The following SYT16 variants were observed in gnomAD, a reference collection of about 807,000 sequenced individuals.
The protein encoded by SYT16 is synaptotagmin-16.
A neutral mutation model predicts 61.4 loss-of-function variants in SYT16; 42 were observed. The observed-to-expected ratio is 0.68, with a 90% CI of 0.53 to 0.89. The LOEUF (loss-of-function observed/expected upper bound fraction) is 0.89. SYT16 is among the 40% of genes least tolerant of loss of function. SYT16 has a pLI of 0.00. For synonymous variants in SYT16, 314 were observed against 302.3 expected, an observed-to-expected ratio of 1.04 and a Z score of -0.40; for missense variants, 804 against 807.3, an observed-to-expected ratio of 1.00 and a Z score of 0.05.
intron 1 of SYT16, among the ~76,000 whole-genome samples, chr14:61,939,267 C>G (rs1190159405): frequency 2.0e-5 from 3 of 152,180 alleles, no homozygotes; most frequent in African/African-American, 4.8e-5. Flanking sequence ...CATAATCCCC[C>G]CAAAGCACTA....
chr14:62,042,422 T>A (rs1188729453), intron 3 of SYT16, among the ~76,000 whole-genome samples: 1 of 152,240 alleles, frequency 6.6e-6, no homozygotes, highest in Non-Finnish European at 1.5e-5. Context: ...TCTTCGATCA[T>A]TTCAGATCTT....
chr14:62,042,139 T>G (rs2054756641), intron 3 of SYT16, among the ~76,000 whole-genome samples: 1 of 152,180 alleles, frequency 6.6e-6, no homozygotes, highest in African/African-American at 2.4e-5. Flanking sequence ...ATGGGTATAT[T>G]ATCTTTTCTG....
intron 1 of SYT16, among the ~76,000 whole-genome samples, chr14:61,887,883 C>T (rs2140330838): frequency 6.6e-6 from 1 of 152,314 alleles, no homozygotes; most frequent in East Asian, 1.9e-4. Flanking sequence ...CTTACCATGC[C>T]TGTGTTCACT....
intron 4 of SYT16, among the ~76,000 whole-genome samples, chr14:62,070,902 T>C (rs1426864336): frequency 6.6e-6 from 1 of 151,914 alleles, no homozygotes; most frequent in Non-Finnish European, 1.5e-5. Context: ...GGTGCAGAAA[T>C]TGAGAGAAGA....
intron 3 of SYT16, among the ~76,000 whole-genome samples, chr14:62,062,239 C>T (rs1394171227): frequency 2.0e-5 from 3 of 152,170 alleles, no homozygotes; most frequent in Non-Finnish European, 4.4e-5. Flanking sequence ...CTGCCACTTA[C>T]TAGCTATTTG....
At chr14:62,094,159 G>C (rs936741522) in intron 7 of SYT16, among the ~76,000 whole-genome samples, 2 of 152,102 alleles carry the variant, frequency 1.3e-5, no homozygotes, top group South Asian at 2.1e-4. Context: ...TTCAATTCTG[G>C]TGTAAAGACC....
chr14:62,044,471 GC>G (rs1254913139), intron 3 of SYT16, among the ~76,000 whole-genome samples: 2 of 151,958 alleles, frequency 1.3e-5, no homozygotes, highest in African/African-American at 4.8e-5. Flanking sequence ...CCCCCAACAG[GC>G]CCTGGTGTGT....
intron 1 of SYT16, among the ~76,000 whole-genome samples, chr14:61,890,714 C>T (rs1014342339): frequency 1.3e-5 from 2 of 151,972 alleles, no homozygotes; most frequent in Non-Finnish European, 2.9e-5. Context: ...TTAGTAAATA[C>T]GTTAGTAAAT....
intron 3 of SYT16, among the ~76,000 whole-genome samples, chr14:62,043,099 C>CT (rs58063130): frequency 0.072 from 9,883 of 137,004 alleles, 630 homozygotes; most frequent in African/African-American, 0.17. Flanking sequence ...TGTGGTTTCT[C>CT]TTTTTTTTTT....
chr14:61,942,843 TA>T (rs1566701791), intron 1 of SYT16, among the ~76,000 whole-genome samples: 1 of 152,046 alleles, frequency 6.6e-6, no homozygotes, highest in Non-Finnish European at 1.5e-5. Flanking sequence ...CTATCAAATA[TA>T]AATCAGTTGA....
chr14:62,068,234 A>G (rs555981360), intron 3 of SYT16, among the ~76,000 whole-genome samples: 1 of 149,700 alleles, frequency 6.7e-6, no homozygotes, highest in African/African-American at 2.5e-5. Flanking sequence ...TGACAATGAA[A>G]AAAAAATTTT....
At chr14:61,990,226 T>C (rs1458564999) in intron 2 of SYT16, among the ~76,000 whole-genome samples, 2 of 152,188 alleles carry the variant, frequency 1.3e-5, no homozygotes, top group African/African-American at 4.8e-5. Flanking sequence ...CTATGCAAAA[T>C]GTCTTTCTCC....
rs919641308 is a variant in SYT16, at chr14:62,100,861, G to T, written c.*154G>T. ...AGTGGGAGTTTTGGGTTTCTCAATG[G>T]TCTGATTTGGATTTAAATATTGTAA... On this transcript the variant is annotated 3_prime_UTR_variant, in exon 8 of 8. Transcript: ENST00000683842. The T allele has an allele frequency of 5.7e-6, 4 of 699,620 alleles. No homozygotes were observed. The highest frequency in any genetic ancestry group is 7.0e-6 in the Non-Finnish European group (3 of 429,514). The allele number at this position is 699,620 out of a possible 1,614,324, so 43.3% of individuals were successfully genotyped here.
intron 3 of SYT16, among the ~76,000 whole-genome samples, chr14:62,056,890 G>A (rs1436277787): frequency 2.0e-5 from 3 of 152,232 alleles, no homozygotes; most frequent in Non-Finnish European, 4.4e-5. Flanking sequence ...CTGGACGAGC[G>A]CGGCGCCCAA....
At chr14:62,023,487 C>T (rs369155615) in intron 3 of SYT16, among the ~76,000 whole-genome samples, 2 of 152,114 alleles carry the variant, frequency 1.3e-5, no homozygotes, top group Admixed American at 6.5e-5. Context: ...TTTTTGGGTT[C>T]ACTCTTCTGT....
intron 1 of SYT16, among the ~76,000 whole-genome samples, chr14:61,824,346 T>G (rs1474618961): frequency 6.6e-6 from 1 of 152,062 alleles, no homozygotes; most frequent in Admixed American, 6.5e-5. Context: ...AATAAGCATT[T>G]TATTTTATTT....
rs2055511337 is a variant in SYT16 at position 62,055,493 on chromosome 14, C to T, written c.524-14110C>T. 2.0e-5 allele frequency among the ~76,000 whole-genome samples: 3 copies of T among 152,196 alleles called. No homozygotes were observed. In the South Asian group the frequency reaches 6.2e-4, roughly 32 times the overall value. On this transcript the variant is annotated intron_variant, in intron 3 of 7. Coordinates refer to ENST00000683842, the MANE Select transcript of SYT16 (RefSeq NM_001367656.1). ...TACAGATATGAATCTGTTTAGAATA[C>T]TACCTGTGGTGAGGGTTTTGTGATC...
intron 1 of SYT16, among the ~76,000 whole-genome samples, chr14:61,823,611 G>C (rs2045685029): frequency 6.6e-6 from 1 of 151,434 alleles, no homozygotes; most frequent in South Asian, 2.1e-4. Flanking sequence ...AATTAGCTAG[G>C]TGTGGTGGTG....
At chr14:61,985,761 G>A (rs572485691) in intron 2 of SYT16, among the ~76,000 whole-genome samples, 1 of 152,182 alleles carries the variant, frequency 6.6e-6, no homozygotes, top group South Asian at 2.1e-4. Flanking sequence ...AATTTATGGA[G>A]GCCAGTCTCA....
Sources: gnomAD v4.1 joint callset for allele counts (sites outside exome capture counted in the v4.1 genomes callset) on GRCh38, gnomAD v4.1.1 for gene constraint, MANE v1.5 for transcripts, NCBI Gene and HGNC (gene_info 2026-07-23, HGNC 2026-07-21) for gene names.